The following TESMIN variants were observed in gnomAD, a reference collection of about 807,000 sequenced individuals.
TESMIN encodes the protein CXC domain containing 2.
A neutral mutation model predicts 47.4 loss-of-function variants in TESMIN; 34 were observed. That is an observed-to-expected ratio of 0.72 (90% CI 0.55 to 0.96). The LOEUF is 0.96. Among genes scored for constraint, TESMIN ranks in the 40% least tolerant of loss-of-function variants. The pLI, the probability that TESMIN is intolerant of heterozygous loss-of-function variation, is 0.00. For missense variants in TESMIN, 610 were observed against 637.2 expected (o/e 0.96, Z 0.46); for synonymous variants, 278 against 258.9 (o/e 1.07, Z -0.71).
At position 68,717,661 on chromosome 11, in the gene TESMIN, G is replaced by A. The variant is rs966660070; in HGVS notation, c.918-1722C>T. ...CAGGAAAGAGCTGGGAAGGAGCTTC[G>A]GAAGGCTCTGGAATGGGCAGCACCA... On this transcript the variant is annotated intron_variant, in intron 6 of 9. Coordinates refer to ENST00000255087, the MANE Select transcript of TESMIN (RefSeq NM_004923.3). 5.9e-5 allele frequency among the ~76,000 whole-genome samples: 9 copies of A among 152,258 alleles called. No individual in the cohort carries two copies. In the East Asian group the frequency reaches 9.7e-4, roughly 16 times the overall value.
downstream of TESMIN, among the ~76,000 whole-genome samples, chr11:68,706,509 G>A (rs1376022787): frequency 1.3e-5 from 2 of 152,192 alleles, no homozygotes; most frequent in East Asian, 3.8e-4. Context: ...CTAGGCAGCC[G>A]TTGCCTCAGG....
At chr11:68,732,126 A>C (rs1946333836) in intron 6 of TESMIN, among the ~76,000 whole-genome samples, 1 of 152,184 alleles carries the variant, frequency 6.6e-6, no homozygotes. Context: ...CACTGCACAC[A>C]GCACTTCGTG....
At chr11:68,714,626 C>A (rs1946114061) in intron 7 of TESMIN, among the ~76,000 whole-genome samples, 1 of 152,236 alleles carries the variant, frequency 6.6e-6, no homozygotes, top group Admixed American at 6.5e-5. Flanking sequence ...GTAGCTCCTG[C>A]TTTTCATCAA....
At chr11:68,725,197 G>C (rs1946246643) in intron 6 of TESMIN, among the ~76,000 whole-genome samples, 1 of 152,184 alleles carries the variant, frequency 6.6e-6, no homozygotes, top group East Asian at 1.9e-4. Flanking sequence ...GGGCTGCACT[G>C]CAGATATCGT....
At chr11:68,715,360 G>A (rs1946124400) in intron 7 of TESMIN, among the ~76,000 whole-genome samples, 1 of 152,178 alleles carries the variant, frequency 6.6e-6, no homozygotes, top group African/African-American at 2.4e-5. Flanking sequence ...GGAAAACCTA[G>A]ATTCTTCTCT....
intron 6 of TESMIN, among the ~76,000 whole-genome samples, chr11:68,730,560 C>G (rs1294583961): frequency 6.6e-6 from 1 of 152,146 alleles, no homozygotes; most frequent in East Asian, 1.9e-4. Context: ...TTTGGGATGC[C>G]ATGGCGGGCA....
chr11:68,713,161 AT>A lies in TESMIN; in HGVS notation c.1158+108del, dbSNP rs1219202249. ...CTTCTAGAAACTCTGGAAGAAAAAAATAATTATATTTATCTTTTTAAATTAC... is the reference window on the plus strand; with the variant it reads ...CTTCTAGAAACTCTGGAAGAAAAAAAAATTATATTTATCTTTTTAAATTAC... On this transcript the variant is annotated intron_variant, in intron 8 of 9. Coordinates refer to ENST00000255087, the MANE Select transcript of TESMIN (RefSeq NM_004923.3). 5.2e-6 allele frequency: 6 copies of A among 1,151,856 alleles called. No individual in the cohort carries two copies. The East Asian group carries it at 8.3e-5, about 16-fold the overall frequency. 71.4% of individuals were successfully genotyped at this position (1,151,856 alleles called of 1,614,324 possible).
intron 9 of TESMIN, among the ~76,000 whole-genome samples, chr11:68,708,816 G>A (rs1179117697): frequency 1.3e-5 from 2 of 151,060 alleles, no homozygotes; most frequent in Non-Finnish European, 2.9e-5. Context: ...GCAATGGCAC[G>A]ATCTCGGCTC....
chr11:68,750,381 G>A lies in TESMIN; in HGVS notation c.280C>T (p.Leu94Phe). 1 of 1,512,612 alleles carries A rather than the reference G, an allele frequency of 6.6e-7. No individual in the cohort carries two copies. 93.7% of individuals were successfully genotyped at this position (1,512,612 alleles called of 1,614,324 possible). A position where few individuals can be genotyped will look rare whatever the true frequency, so the allele number is the denominator to read the frequency against. ...TCTGGGATCCCGGGGTACTCCCCGA[G>A]GAGCTCCCCGCCGTCGCTGTCGCCC... ...AGGDSDGGEL[L>F]GEYPGIPELS... Residue 94 changes from leucine (L) to phenylalanine (F), a missense_variant, in exon 2 of 10, where the codon CTC becomes TTC. By Grantham distance (22) the Leu-to-Phe change is conservative. Coordinates refer to ENST00000255087, the MANE Select transcript of TESMIN (RefSeq NM_004923.3).
At chr11:68,740,570 G>C (rs74521918) in intron 5 of TESMIN, among the ~76,000 whole-genome samples, 1,750 of 152,232 alleles carry the variant, frequency 0.011, 31 homozygotes, top group African/African-American at 0.04. Flanking sequence ...CGTGGAGGGG[G>C]CCAGACGGTA....
intron 6 of TESMIN, chr11:68,738,314 C>G: frequency 5.9e-6 from 6 of 1,010,898 alleles, no homozygotes; most frequent in Non-Finnish European, 7.1e-6. Flanking sequence ...CTGCAGCCCC[C>G]CGTTCATGCT....
intron 3 of TESMIN, 124 bp downstream of exon 3, chr11:68,747,084 C>T: frequency 8.8e-7 from 1 of 1,137,394 alleles, no homozygotes. Context: ...ATGAGACAAC[C>T]AAAAATCCTG....
chr11:68,715,967 C>T (rs1380521119), intron 6 of TESMIN, 28 bp from the exon 7 acceptor site: 37 of 1,437,912 alleles, frequency 2.6e-5, no homozygotes, highest in Non-Finnish European at 3.1e-5. Context: ...GAGTGAGTGG[C>T]AGGCACAGAC....
intron 6 of TESMIN, among the ~76,000 whole-genome samples, chr11:68,723,425 G>C (rs1197498131): frequency 7.0e-6 from 1 of 142,150 alleles, no homozygotes; most frequent in East Asian, 2.1e-4. Context: ...CAGTAAAGTA[G>C]TCCATAGGGG....
At position 68,739,724 on chromosome 11, in the gene TESMIN, G is replaced by A. The variant is rs555512108; in HGVS notation, c.829-936C>T. Among the ~76,000 whole-genome samples, 89 of 152,206 alleles carry A rather than the reference G, an allele frequency of 5.8e-4. 1 individual carries two copies. The South Asian group carries it at 0.011, about 19-fold the overall frequency. On this transcript the variant is annotated intron_variant, in intron 5 of 9. Coordinates refer to ENST00000255087, the MANE Select transcript of TESMIN (RefSeq NM_004923.3). ...ATTTACAATCAGTCTTAAGTCCCCA[G>A]GCTTCTTCCCGGGAAACCCCTTCCT...
chr11:68,715,876 G>T lies in TESMIN; in HGVS notation c.981C>A (p.Asn327Lys). ...ACCGTTCAATATCATGATGCAAGTTGTTGCAACAATTATTACAATTGCAGT... is the reference window on the plus strand; with the variant it reads ...ACCGTTCAATATCATGATGCAAGTTTTTGCAACAATTATTACAATTGCAGT... Reference protein sequence around the residue: ...CNNCNCNNCCNNLHHDIERFK... With the variant: ...CNNCNCNNCCKNLHHDIERFK... Residue 327 changes from asparagine (N) to lysine (K), a missense_variant, in exon 7 of 10, where the codon AAC (asparagine) becomes AAA (lysine). Coordinates refer to ENST00000255087, the MANE Select transcript of TESMIN (RefSeq NM_004923.3). 1 of 1,613,002 alleles carries T rather than the reference G, an allele frequency of 6.2e-7. No homozygotes were observed. Among genetic ancestry groups the T allele is most frequent in the Non-Finnish European group, 8.5e-7 (1 of 1,179,056 alleles).
Position 68,750,675 on chromosome 11 carries a change from G to T in TESMIN, c.-15C>A. ...CCCTCCTCCATGGCGCAGGGCGGCG[G>T]GGCGGGATGGCGGGGGCCGCGCACC... is the stretch of plus-strand genomic sequence containing the variant. On this transcript the variant is annotated 5_prime_UTR_variant, in exon 2 of 10. Coordinates refer to ENST00000255087, the MANE Select transcript of TESMIN (RefSeq NM_004923.3). 1 of 1,486,358 alleles carries T rather than the reference G, an allele frequency of 6.7e-7. No homozygotes were observed. The highest frequency in any genetic ancestry group is 8.9e-7 in the Non-Finnish European group (1 of 1,117,420). 92.1% of individuals were successfully genotyped at this position (1,486,358 alleles called of 1,614,324 possible).
chr11:68,747,416 C>G (rs780653977), intron 2 of TESMIN, 50 bp from the exon 3 acceptor site: 2 of 1,485,786 alleles, frequency 1.3e-6, no homozygotes, highest in South Asian at 2.3e-5. Flanking sequence ...GACACTGGCT[C>G]TTGCAGTTGC....
chr11:68,742,227 T>C (rs1226872126), intron 5 of TESMIN, 91 bp downstream of exon 5: 12 of 785,668 alleles, frequency 1.5e-5, no homozygotes, highest in South Asian at 1.8e-5. Context: ...GAAAATAAAT[T>C]ATATTTCCTG....
Sources: allele counts gnomAD v4.1 joint callset (sites outside exome capture counted in the v4.1 genomes callset), GRCh38; gene constraint gnomAD v4.1.1; transcripts MANE v1.5; gene names NCBI Gene and HGNC (gene_info 2026-07-23, HGNC 2026-07-21).